IMMP2L: variants seen among roughly 807,000 people sequenced by gnomAD.
The protein encoded by IMMP2L is mitochondrial inner membrane protease subunit 2.
IMMP2L carries 18 observed loss-of-function variants against 19.3 expected under a neutral mutation model. The observed-to-expected ratio is 0.93, with a 90% confidence interval of 0.64 to 1.38. The LOEUF (loss-of-function observed/expected upper bound fraction) is 1.38. Ranked by LOEUF, IMMP2L falls within the 40% of genes most tolerant of loss-of-function variation. IMMP2L has a pLI of 0.00. For missense variants in IMMP2L, 233 were observed against 218.2 expected (o/e 1.07, Z -0.43); for synonymous variants, 76 against 73.0 (o/e 1.04, Z -0.21).
At chr7:111,270,049 A>ATGTGTGCCTG (rs1562989476) in intron 3 of IMMP2L, among the ~76,000 whole-genome samples, 1 of 132,882 alleles carries the variant, frequency 7.5e-6, no homozygotes, top group African/African-American at 3.0e-5. Flanking sequence ...GTGTGCATGC[A>ATGTGTGCCTG]TGTGTGTCTG....
At chr7:111,133,005 G>C (rs1801993481) in intron 3 of IMMP2L, among the ~76,000 whole-genome samples, 2 of 152,000 alleles carry the variant, frequency 1.3e-5, no homozygotes, top group South Asian at 4.1e-4. Flanking sequence ...CTTAGTTGTT[G>C]TTACTGTTGT....
intron 4 of IMMP2L, among the ~76,000 whole-genome samples, chr7:110,938,619 C>G (rs962195111): frequency 3.3e-5 from 5 of 152,078 alleles, no homozygotes; most frequent in African/African-American, 7.2e-5. Context: ...AAAAAGATAA[C>G]TGATCTTGTG....
chr7:111,374,704 T>C (rs1830531489), intron 3 of IMMP2L, among the ~76,000 whole-genome samples: 1 of 152,112 alleles, frequency 6.6e-6, no homozygotes, highest in South Asian at 2.1e-4. Context: ...CAAAAGCTAA[T>C]AGGGCCTGAC....
At chr7:111,336,897 G>A (rs558370551) in intron 3 of IMMP2L, among the ~76,000 whole-genome samples, 3 of 151,336 alleles carry the variant, frequency 2.0e-5, no homozygotes, top group African/African-American at 7.3e-5. Context: ...AAGGTAAAGT[G>A]GCTTAACAGA....
rs573391629 is a variant in IMMP2L, at chr7:110,909,865, A to G, written c.306-23170T>C. Among the ~76,000 whole-genome samples, 6 of 152,158 alleles carry G rather than the reference A, an allele frequency of 3.9e-5. 1 individual carries two copies. The highest frequency in any genetic ancestry group is 1.4e-4 in the African/African-American group (6 of 41,488). ...GAAGGGATTCTTACTTCTGTGAGTT[A>G]GAAAAGCATCAGTGTTAAACAGAGG... On this transcript the variant is annotated intron_variant, in intron 4 of 5. Transcript: ENST00000405709.
intron 5 of IMMP2L, among the ~76,000 whole-genome samples, chr7:110,823,043 A>C (rs1378570451): frequency 6.6e-6 from 1 of 152,082 alleles, no homozygotes; most frequent in Non-Finnish European, 1.5e-5. Flanking sequence ...CTGCCATTTA[A>C]ATGGAAATGC....
intron 3 of IMMP2L, among the ~76,000 whole-genome samples, chr7:111,037,280 A>G (rs2129570158): frequency 6.6e-6 from 1 of 152,308 alleles, no homozygotes; most frequent in East Asian, 1.9e-4. Context: ...AAGGTTTTCA[A>G]GGCAGCTGTA....
intron 3 of IMMP2L, among the ~76,000 whole-genome samples, chr7:111,242,533 T>A (rs2129630079): frequency 6.6e-6 from 1 of 152,186 alleles, no homozygotes; most frequent in East Asian, 1.9e-4. Context: ...TCCAATGAGC[T>A]ACAAAATACA....
intron 4 of IMMP2L, among the ~76,000 whole-genome samples, chr7:110,926,244 C>G (rs1814837424): frequency 6.6e-6 from 1 of 151,966 alleles, no homozygotes; most frequent in African/African-American, 2.4e-5. Context: ...TAAAGGTGTT[C>G]TTTTTAAATA....
intron 3 of IMMP2L, among the ~76,000 whole-genome samples, chr7:111,268,476 C>T (rs1258178165): frequency 2.3e-5 from 2 of 86,208 alleles, no homozygotes; most frequent in Admixed American, 1.4e-4. Context: ...TTGTTTTTGT[C>T]GTTTATCTAA....
At chr7:111,166,184 T>C (rs1005105974) in intron 3 of IMMP2L, among the ~76,000 whole-genome samples, 14 of 151,954 alleles carry the variant, frequency 9.2e-5, no homozygotes, top group African/African-American at 3.1e-4. Context: ...CTTAGATGGG[T>C]ATCTTGCCTA....
At position 111,213,779 on chromosome 7, in the gene IMMP2L, G is replaced by A. The variant is rs1390363512; in HGVS notation, c.240-250214C>T. Among the ~76,000 whole-genome samples, 15 of 152,146 alleles carry A rather than the reference G, an allele frequency of 9.9e-5. No individual in the cohort carries two copies. Among genetic ancestry groups the A allele is most frequent in the African/African-American group, 1.7e-4 (7 of 41,406 alleles). On this transcript the variant is annotated intron_variant, in intron 3 of 5. Coordinates refer to ENST00000405709, the MANE Select transcript of IMMP2L (RefSeq NM_032549.4). The surrounding 1 kb of genome is among the most constrained non-coding windows in gnomAD (Gnocchi z 4.8). ...CACCAGAGTCTCCTATCTAATGAGC[G>A]CTGAACATTTGAAGGAATGACCTGC...
At chr7:110,695,973 C>T (rs1793847453) in intron 5 of IMMP2L, among the ~76,000 whole-genome samples, 1 of 152,110 alleles carries the variant, frequency 6.6e-6, no homozygotes, top group Non-Finnish European at 1.5e-5. Flanking sequence ...CGGCCTTTTG[C>T]CATGATAGAG....
At chr7:111,484,377 C>A (rs1367741693) in intron 3 of IMMP2L, among the ~76,000 whole-genome samples, 2 of 152,126 alleles carry the variant, frequency 1.3e-5, no homozygotes, top group African/African-American at 4.8e-5. Flanking sequence ...TGTATTACCA[C>A]ACATTCTGAA....
At chr7:111,078,728 T>A (rs1375016204) in intron 3 of IMMP2L, among the ~76,000 whole-genome samples, 1 of 151,874 alleles carries the variant, frequency 6.6e-6, no homozygotes, top group Admixed American at 6.5e-5. Context: ...TATTTTTATT[T>A]ATTTATTTAT....
intron 5 of IMMP2L, among the ~76,000 whole-genome samples, chr7:110,748,518 C>CA: frequency 6.6e-6 from 1 of 152,236 alleles, no homozygotes; most frequent in South Asian, 2.1e-4. Flanking sequence ...GCTACAGTAA[C>CA]AAAAACAGCA....
chr7:111,489,946 C>T (rs1439079357), intron 2 of IMMP2L, among the ~76,000 whole-genome samples: 5 of 151,980 alleles, frequency 3.3e-5, no homozygotes, highest in South Asian at 2.1e-4. Context: ...TACAGGTGTG[C>T]GCCACTATGC....
At chr7:110,932,871 G>A (rs1351095791) in intron 4 of IMMP2L, among the ~76,000 whole-genome samples, 1 of 152,142 alleles carries the variant, frequency 6.6e-6, no homozygotes, top group Non-Finnish European at 1.5e-5. Context: ...TGCCTTTCTG[G>A]AGAATGCAAT....
intron 4 of IMMP2L, among the ~76,000 whole-genome samples, chr7:110,945,914 C>T (rs776747684): frequency 6.6e-6 from 1 of 152,112 alleles, no homozygotes; most frequent in African/African-American, 2.4e-5. Context: ...AGCTTAAGCA[C>T]GGAGACAGTG....
Sources: gnomAD v4.1 joint callset for allele counts (sites outside exome capture counted in the v4.1 genomes callset) on GRCh38, gnomAD v4.1.1 for gene constraint, Gnocchi (gnomAD v3.1) non-coding constraint, MANE v1.5 for transcripts, NCBI Gene and HGNC (gene_info 2026-07-23, HGNC 2026-07-21) for gene names.